Variants in WDPCP observed in about 807,000 individuals in gnomAD.
WDPCP encodes the protein WD repeat containing planar cell polarity effector.
In WDPCP, 71 loss-of-function variants were observed where a neutral mutation model predicts 93.1. The ratio of observed to expected loss-of-function variants is 0.76; its 90% confidence interval spans 0.63 to 0.93. WDPCP has a LOEUF of 0.93. Ranked by LOEUF, WDPCP falls within the 40% of genes least tolerant of loss-of-function variation. The probability of loss-of-function intolerance (pLI) is 0.00; values close to 1 mark genes in which losing one functional copy is unlikely to be tolerated. For synonymous variants in WDPCP, 315 were observed against 315.0 expected (o/e 1.00, Z 0.00); for missense variants, 844 against 887.4 (o/e 0.95, Z 0.62).
intron 14 of WDPCP, among the ~76,000 whole-genome samples, chr2:63,248,244 G>A (rs892316071): frequency 6.6e-6 from 1 of 151,986 alleles, no homozygotes; most frequent in African/African-American, 2.4e-5. Flanking sequence ...ATAATTCTTG[G>A]TTAATCTTTA....
At chr2:63,296,848 G>T (rs1684904266) in intron 13 of WDPCP, among the ~76,000 whole-genome samples, 1 of 152,142 alleles carries the variant, frequency 6.6e-6, no homozygotes, top group Non-Finnish European at 1.5e-5. Flanking sequence ...AATCAGTATT[G>T]TTAAAATGAC....
chr2:63,664,453 A>C (rs1710262177), intron 2 of WDPCP, among the ~76,000 whole-genome samples: 1 of 152,186 alleles, frequency 6.6e-6, no homozygotes. Context: ...GCCCCTGGAT[A>C]CTGGAGGTGC....
intron 14 of WDPCP, among the ~76,000 whole-genome samples, chr2:63,252,795 C>T (rs902275805): frequency 6.6e-6 from 1 of 152,142 alleles, no homozygotes; most frequent in African/African-American, 2.4e-5. Context: ...TTCCACGTGC[C>T]TGGATTGGAA....
At chr2:63,435,599 A>G (rs1440371975) in intron 8 of WDPCP, among the ~76,000 whole-genome samples, 1 of 152,182 alleles carries the variant, frequency 6.6e-6, no homozygotes, top group East Asian at 1.9e-4. Context: ...CAGTTGTCAC[A>G]TAATGCAAAT....
intron 13 of WDPCP, among the ~76,000 whole-genome samples, chr2:63,306,475 A>G (rs1048116460): frequency 6.6e-6 from 1 of 152,202 alleles, no homozygotes. Flanking sequence ...GATGGAAATC[A>G]ATGTAAAAAT....
chr2:63,721,670 C>A (rs1047990806), intron 2 of WDPCP, among the ~76,000 whole-genome samples: 56 of 152,104 alleles, frequency 3.7e-4, no homozygotes, highest in African/African-American at 1.3e-3. Context: ...CAAGCCATTC[C>A]CTCTACTTAG....
At chr2:63,527,616 T>A (rs1428602058) in intron 1 of WDPCP, among the ~76,000 whole-genome samples, 1 of 152,028 alleles carries the variant, frequency 6.6e-6, no homozygotes, top group Non-Finnish European at 1.5e-5. Context: ...ATCCAGTCTA[T>A]CATTGATGGA....
chr2:63,232,358 C>A (rs561774191), intron 14 of WDPCP: 3 of 152,190 alleles, frequency 2.0e-5, no homozygotes, highest in Non-Finnish European at 4.4e-5. Context: ...GTTTCTTTAA[C>A]TTCATTTAAC....
chr2:63,812,813 C>T (rs1670880956), intron 2 of WDPCP, among the ~76,000 whole-genome samples: 1 of 152,048 alleles, frequency 6.6e-6, no homozygotes, highest in Non-Finnish European at 1.5e-5. Context: ...CTCAAGTTTA[C>T]AGATATTCCA....
rs186904277 is a variant in WDPCP at position 63,519,577 on chromosome 2, C to T, written c.76-26637G>A. On this transcript the variant is annotated intron_variant, in intron 1 of 17. Transcript: ENST00000272321. ...AACCTCAAGGGGTGAGAGAACAAAT[C>T]TGGGGGCCTGATACCAGCTCCCCAG... Among the ~76,000 whole-genome samples, 214 of 152,262 alleles carry T rather than the reference C, an allele frequency of 1.4e-3. 1 individual carries two copies. The highest frequency in any genetic ancestry group is 4.8e-3 in the African/African-American group (198 of 41,542).
At chr2:63,695,870 A>T (rs1281849056) in intron 2 of WDPCP, among the ~76,000 whole-genome samples, 1 of 152,126 alleles carries the variant, frequency 6.6e-6, no homozygotes, top group African/African-American at 2.4e-5. Flanking sequence ...AGTTTTGCTT[A>T]TTTCACAACT....
rs2103985925 is a variant in WDPCP, at chr2:63,172,007, C to CTTT, written c.2078+2662_2078+2663insAAA. On this transcript the variant is annotated intron_variant, in intron 15 of 17. Transcript: ENST00000272321. ...CATTTTTATAAAATTTCTCTAGAGA[C>CTTT]AGAAAGCAGAGCAATGTTTGCCTCA... Among the ~76,000 whole-genome samples the CTTT allele has an allele frequency of 2.0e-5, 3 of 152,236 alleles. No homozygotes were observed. In the South Asian group the frequency reaches 6.2e-4, roughly 32 times the overall value.
chr2:63,481,076 A>G (rs1200297291), intron 6 of WDPCP, among the ~76,000 whole-genome samples: 1 of 152,162 alleles, frequency 6.6e-6, no homozygotes, highest in Non-Finnish European at 1.5e-5. Context: ...AAAGTGGGTT[A>G]AGGACATGAA....
intron 1 of WDPCP, among the ~76,000 whole-genome samples, chr2:63,502,963 A>G (rs1231164483): frequency 6.6e-6 from 1 of 152,208 alleles, no homozygotes; most frequent in Non-Finnish European, 1.5e-5. Flanking sequence ...TTCCAAGATA[A>G]TCTGTGCACC....
intron 13 of WDPCP, among the ~76,000 whole-genome samples, chr2:63,294,444 A>G (rs1296482354): frequency 7.9e-6 from 1 of 127,026 alleles, no homozygotes; most frequent in African/African-American, 3.0e-5. Context: ...CGGGAGGTGG[A>G]GGTTGCAGGG....
rs796626268 is a variant in WDPCP, at chr2:63,706,765, C to T, written n.309-55927G>A. Among the ~76,000 whole-genome samples the T allele has an allele frequency of 3.8e-4, 57 of 150,904 alleles. 1 individual carries two copies. The highest frequency in any genetic ancestry group is 1.2e-3 in the African/African-American group (49 of 41,220). On this transcript the variant is annotated intron_variant and non_coding_transcript_variant, in intron 2 of 4. Coordinates refer to the WDPCP transcript ENST00000467687. The stretch of plus-strand genomic sequence containing the variant: ...CCGAGTAGCTGGGACTACAGGCGCC[C>T]GCCACCGCGCCCGGCTAATTTTTTG...
intron 10 of WDPCP, among the ~76,000 whole-genome samples, chr2:63,392,426 A>G (rs1297344772): frequency 6.6e-6 from 1 of 152,228 alleles, no homozygotes; most frequent in African/African-American, 2.4e-5. Flanking sequence ...CTAAAACCAT[A>G]AAACCCCTAG....
intron 2 of WDPCP, among the ~76,000 whole-genome samples, chr2:63,789,895 C>A (rs1670521381): frequency 6.6e-6 from 1 of 152,170 alleles, no homozygotes; most frequent in African/African-American, 2.4e-5. Flanking sequence ...TTGGAAGTGA[C>A]TGAAGTCTTC....
At chr2:63,643,755 C>A in intron 3 of WDPCP, 1 of 528,286 alleles carries the variant, frequency 1.9e-6, no homozygotes, top group Non-Finnish European at 3.8e-6. Context: ...GACGGACATT[C>A]TCTCCAGTCT....
Sources: gnomAD v4.1 joint callset for allele counts (sites outside exome capture counted in the v4.1 genomes callset) on GRCh38, gnomAD v4.1.1 for gene constraint, MANE v1.5 for transcripts, NCBI Gene and HGNC (gene_info 2026-07-23, HGNC 2026-07-21) for gene names.